The following MVB12B variants were observed in gnomAD, a reference collection of about 807,000 sequenced individuals.
MVB12B encodes the protein ESCRT-I complex subunit MVB12B.
MVB12B carries 16 observed loss-of-function variants against 41.6 expected under a neutral mutation model. The ratio of observed to expected loss-of-function variants is 0.38; its 90% CI spans 0.26 to 0.58. The LOEUF is 0.58. MVB12B is among the 20% of genes least tolerant of loss of function. MVB12B has a pLI of 0.62. For synonymous variants in MVB12B, 133 were observed against 139.7 expected (o/e 0.95, Z 0.34); for missense variants, 274 against 380.2 (o/e 0.72, Z 2.32).
chr9:126,493,008 A>G (rs1400083771), intron 9 of MVB12B, among the ~76,000 whole-genome samples: 1 of 152,136 alleles, frequency 6.6e-6, no homozygotes, highest in Non-Finnish European at 1.5e-5. Context: ...TTACGTTTTA[A>G]AGAGAGCAAA....
chr9:126,427,793 G>A lies in MVB12B; in HGVS notation c.757+5845G>A, dbSNP rs546017286. Among the ~76,000 whole-genome samples, 5 of 152,250 alleles carry A rather than the reference G, an allele frequency of 3.3e-5. No homozygotes were observed. The South Asian group carries it at 1.0e-3, about 32-fold the overall frequency. On this transcript the variant is annotated intron_variant, in intron 7 of 9. Transcript: ENST00000361171. ...GGGCTAGGACTGCTTTCCTCTTTAG[G>A]ACCTAGACAGGTTGGCTCACTGACA...
intron 9 of MVB12B, among the ~76,000 whole-genome samples, chr9:126,490,134 C>G (rs1053731040): frequency 6.6e-6 from 1 of 152,228 alleles, no homozygotes; most frequent in Non-Finnish European, 1.5e-5. Flanking sequence ...CTCTGCCGCT[C>G]TTTATTTCCC....
chr9:126,481,541 C>G (rs1282752940), intron 8 of MVB12B, 117 bp downstream of exon 8: 1 of 780,368 alleles, frequency 1.3e-6, no homozygotes, highest in Non-Finnish European at 2.2e-6. Flanking sequence ...CTTCCCCTAC[C>G]GGAATCTTGT....
Position 126,348,971 on chromosome 9 carries a change from G to A in MVB12B, c.204+8341G>A, listed in dbSNP as rs138005106. On this transcript the variant is annotated intron_variant, in intron 2 of 9. Transcript: ENST00000361171. ...GTGGCCAATAAATGAGGAGAGGATT[G>A]CCACTGGAAAGATTATTACTCGCAG... Among the ~76,000 whole-genome samples, 380 of 152,160 alleles carry A rather than the reference G, an allele frequency of 2.5e-3. 12 individuals are homozygous for A. Among genetic ancestry groups the A allele is most frequent in the Admixed American group, 0.022 (339 of 15,276 alleles).
At chr9:126,362,493 A>T (rs1830054957) in intron 2 of MVB12B, among the ~76,000 whole-genome samples, 1 of 152,228 alleles carries the variant, frequency 6.6e-6, no homozygotes, top group African/African-American at 2.4e-5. Flanking sequence ...ATAAAAGAAG[A>T]TGATGTGTAG....
At chr9:126,433,059 A>G (rs7019524) in intron 7 of MVB12B, among the ~76,000 whole-genome samples, 133,256 of 152,170 alleles carry the variant, frequency 0.88, 58,519 homozygotes, top group East Asian at 1. Flanking sequence ...TGGGCAAAAC[A>G]GTGAAGGTGG....
intron 3 of MVB12B, among the ~76,000 whole-genome samples, chr9:126,384,095 C>T (rs1564301359): frequency 6.6e-6 from 1 of 151,878 alleles, no homozygotes; most frequent in Non-Finnish European, 1.5e-5. Flanking sequence ...AAAGCAACTG[C>T]CATGAAAAAA....
chr9:126,503,149 G>C (rs1564355333), intron 9 of MVB12B, 28 bp from the exon 10 acceptor site: 5 of 1,538,564 alleles, frequency 3.2e-6, no homozygotes, highest in Non-Finnish European at 2.6e-6. Context: ...GACTGACTGT[G>C]TCTCTCTGTC....
At chr9:126,476,458 C>T (rs1833421856) in intron 7 of MVB12B, among the ~76,000 whole-genome samples, 1 of 152,244 alleles carries the variant, frequency 6.6e-6, no homozygotes, top group African/African-American at 2.4e-5. Flanking sequence ...CTGCCCGCTC[C>T]CTGCAGTCTC....
chr9:126,377,928 T>C (rs944446860), intron 2 of MVB12B, among the ~76,000 whole-genome samples: 5 of 152,178 alleles, frequency 3.3e-5, no homozygotes, highest in African/African-American at 1.2e-4. Context: ...GTCTTTGGAG[T>C]GCTCATGCAC....
At chr9:126,465,347 G>A (rs1195413496) in intron 7 of MVB12B, among the ~76,000 whole-genome samples, 1 of 152,164 alleles carries the variant, frequency 6.6e-6, no homozygotes, top group Non-Finnish European at 1.5e-5. Context: ...AAACAATGCT[G>A]ATCCCCAGAG....
chr9:126,433,901 C>T (rs1333100811), intron 7 of MVB12B, among the ~76,000 whole-genome samples: 2 of 152,064 alleles, frequency 1.3e-5, no homozygotes, highest in Admixed American at 6.6e-5. Flanking sequence ...CATTGGATTC[C>T]GAGTTGGGGT....
Position 126,468,823 on chromosome 9 carries a change from G to A in MVB12B, c.758-12546G>A, listed in dbSNP as rs1476648456. 6.6e-6 allele frequency among the ~76,000 whole-genome samples: 1 copy of A among 152,226 alleles called. No homozygotes were observed. ...ACCTCATGATGTCCTTCAGTCTGCT[G>A]AGAATGGCCATCAGGACTCCTGGCA... On this transcript the variant is annotated intron_variant, in intron 7 of 9. Coordinates refer to ENST00000361171, the MANE Select transcript of MVB12B (RefSeq NM_033446.3). The surrounding 1 kb of genome is among the most constrained non-coding windows in gnomAD (Gnocchi z 4.3).
chr9:126,503,179 CG>C lies in MVB12B; in HGVS notation c.877del (p.Glu293SerfsTer87). 1 of 1,550,676 alleles carries C rather than the reference CG, an allele frequency of 6.4e-7. No homozygotes were observed. The highest frequency in any genetic ancestry group is 8.7e-7 in the Non-Finnish European group (1 of 1,146,878). Reference sequence around the variant, plus strand: ...TCTGTCCCCACCCGCCCCTGCAGTACGAGTACAGCTTCCGCACAGAGCAGAG... The same window carrying C: ...TCTGTCCCCACCCGCCCCTGCAGTACAGTACAGCTTCCGCACAGAGCAGAG... ...KSLAEIEKEY[E>X]YSFRTEQSAA... is the part of the protein sequence containing the mutation. On this transcript the variant is annotated frameshift_variant, in exon 10 of 10. Transcript: ENST00000361171. LOFTEE classifies it high-confidence loss of function.
intron 6 of MVB12B, 105 bp from the exon 7 acceptor site, chr9:126,421,740 ACCTGCTCTG>A (rs1832026115): frequency 3.8e-6 from 3 of 780,518 alleles, no homozygotes; most frequent in Non-Finnish European, 6.8e-6. Flanking sequence ...GGCCAGAAGC[ACCTGCTCTG>A]CCCGCTGATC....
chr9:126,361,393 G>A (rs748037306), intron 2 of MVB12B, among the ~76,000 whole-genome samples: 2 of 151,674 alleles, frequency 1.3e-5, no homozygotes, highest in Non-Finnish European at 2.9e-5. Context: ...TTTTTTCTAC[G>A]TATGTCATAA....
intron 6 of MVB12B, among the ~76,000 whole-genome samples, chr9:126,415,059 G>A (rs1395000753): frequency 6.6e-6 from 1 of 151,988 alleles, no homozygotes; most frequent in African/African-American, 2.4e-5. Flanking sequence ...ATGCTGTCGA[G>A]TACCTACTCA....
At position 126,436,893 on chromosome 9, in the gene MVB12B, CATT is replaced by C. The variant is rs1314682003; in HGVS notation, c.757+14947_757+14949del. 6.6e-6 allele frequency among the ~76,000 whole-genome samples: 1 copy of C among 152,196 alleles called. No individual in the cohort carries two copies. Among genetic ancestry groups the C allele is most frequent in the Non-Finnish European group, 1.5e-5 (1 of 68,028 alleles). On this transcript the variant is annotated intron_variant, in intron 7 of 9. Coordinates refer to ENST00000361171, the MANE Select transcript of MVB12B (RefSeq NM_033446.3). This position sits in a 1 kb window ranked among gnomAD's most constrained non-coding sequence, Gnocchi z 4.1. ...TGTGTCCTGAATCAGTTAATTTACT[CATT>C]AAAAGAATTTATTTTAGGTGGACCA...
intron 7 of MVB12B, among the ~76,000 whole-genome samples, chr9:126,455,230 C>T (rs1832958047): frequency 1.3e-5 from 2 of 151,732 alleles, no homozygotes; most frequent in South Asian, 4.2e-4. Context: ...TTCTGTCGCC[C>T]AGGCTGGAGT....
Sources: gnomAD v4.1 joint callset for allele counts (sites outside exome capture counted in the v4.1 genomes callset) on GRCh38, gnomAD v4.1.1 for gene constraint, Gnocchi (gnomAD v3.1) non-coding constraint, MANE v1.5 for transcripts, NCBI Gene and HGNC (gene_info 2026-07-23, HGNC 2026-07-21) for gene names.